RBFOX1: variants seen among roughly 807,000 people sequenced by gnomAD.
RBFOX1 encodes the protein RNA binding protein fox-1 homolog 1.
In RBFOX1, 8 loss-of-function variants were observed where a neutral mutation model predicts 57.7. That is an observed-to-expected ratio of 0.14 (90% confidence interval 0.08 to 0.25). The LOEUF is 0.25. Among genes scored for constraint, RBFOX1 ranks in the 10% least tolerant of loss-of-function variants. The pLI is 1.00. For missense variants in RBFOX1, 611 were observed against 548.5 expected, an observed-to-expected ratio of 1.11 and a Z score of -1.14; for synonymous variants, 326 against 222.4, an observed-to-expected ratio of 1.47 and a Z score of -4.15.
At chr16:5,522,646 G>T (rs950498660) in intron 2 of RBFOX1, among the ~76,000 whole-genome samples, 61 of 152,056 alleles carry the variant, frequency 4.0e-4, no homozygotes, top group Non-Finnish European at 1.6e-4. Context: ...TTCTTTCTTT[G>T]TTTGTACCCA....
chr16:7,315,456 A>ACCCCCC (rs34625153), intron 4 of RBFOX1, among the ~76,000 whole-genome samples: 30 of 123,782 alleles, frequency 2.4e-4, no homozygotes, highest in Non-Finnish European at 4.3e-4. Flanking sequence ...ACTCTACCCT[A>ACCCCCC]CCCCCCCCCC....
At chr16:6,662,066 C>T (rs904497091) in intron 3 of RBFOX1, among the ~76,000 whole-genome samples, 2 of 151,288 alleles carry the variant, frequency 1.3e-5, no homozygotes, top group Non-Finnish European at 2.9e-5. Flanking sequence ...TCACTTTTAC[C>T]TGGAATCTAA....
intron 4 of RBFOX1, among the ~76,000 whole-genome samples, chr16:7,312,151 A>C (rs2096327727): frequency 6.6e-6 from 1 of 152,192 alleles, no homozygotes; most frequent in Non-Finnish European, 1.5e-5. Context: ...AGGCAGAGGC[A>C]GGTGGATCAC....
At chr16:6,599,026 C>G (rs929871231) in intron 2 of RBFOX1, among the ~76,000 whole-genome samples, 1 of 152,124 alleles carries the variant, frequency 6.6e-6, no homozygotes, top group Admixed American at 6.5e-5. Context: ...CAAGATCTGT[C>G]TCATAATGTG....
At chr16:6,156,758 AT>A (rs1451559146) in intron 1 of RBFOX1, among the ~76,000 whole-genome samples, 1 of 152,122 alleles carries the variant, frequency 6.6e-6, no homozygotes, top group Non-Finnish European at 1.5e-5. Context: ...ATTTCAGTCC[AT>A]TGGGGGCTCT....
intron 3 of RBFOX1, among the ~76,000 whole-genome samples, chr16:6,860,241 C>G (rs1281243947): frequency 6.6e-6 from 1 of 152,170 alleles, no homozygotes; most frequent in Non-Finnish European, 1.5e-5. Context: ...GTTCCAGACA[C>G]AATGTTAGGC....
At chr16:7,061,318 G>A (rs754074742) in intron 4 of RBFOX1, among the ~76,000 whole-genome samples, 3 of 152,176 alleles carry the variant, frequency 2.0e-5, no homozygotes, top group Non-Finnish European at 2.9e-5. Flanking sequence ...GAGCTTGTAT[G>A]TTCTCCAGTC....
At chr16:5,939,818 T>C (rs1347788153) in intron 4 of RBFOX1, among the ~76,000 whole-genome samples, 1 of 152,152 alleles carries the variant, frequency 6.6e-6, no homozygotes, top group African/African-American at 2.4e-5. Context: ...GCCACAGCCA[T>C]ACCCTGACCA....
chr16:5,643,310 AG>A (rs2048942030), intron 3 of RBFOX1, among the ~76,000 whole-genome samples: 1 of 152,106 alleles, frequency 6.6e-6, no homozygotes, highest in African/African-American at 2.4e-5. Flanking sequence ...TCGTTTTTTT[AG>A]GGTGTGGCTG....
chr16:6,195,093 A>G (rs1268613678), intron 1 of RBFOX1, among the ~76,000 whole-genome samples: 1 of 152,182 alleles, frequency 6.6e-6, no homozygotes, highest in Non-Finnish European at 1.5e-5. Flanking sequence ...TAGGGTTCAC[A>G]GTTTTGCAAA....
intron 3 of RBFOX1, among the ~76,000 whole-genome samples, chr16:6,775,377 C>G (rs530742701): frequency 2.8e-5 from 4 of 141,958 alleles, no homozygotes; most frequent in Non-Finnish European, 6.2e-5. Context: ...TACAAACAGA[C>G]ACACCCAACT....
rs2095020692 is a variant in RBFOX1 at position 6,019,072 on chromosome 16, C to G, written c.-1047C>G. 5.1e-6 allele frequency: 5 copies of G among 983,228 alleles called. No homozygotes were observed. In the East Asian group the frequency reaches 4.6e-4, roughly 91 times the overall value. 60.9% of individuals were successfully genotyped at this position (983,228 alleles called of 1,614,324 possible). ...GGGGCTGCTCGCTGCTTGTCGCGCGCTCACACACACACAGACACACACGCA... is the reference window on the plus strand; with the variant it reads ...GGGGCTGCTCGCTGCTTGTCGCGCGGTCACACACACACAGACACACACGCA... On this transcript the variant is annotated 5_prime_UTR_variant, in exon 1 of 16. Coordinates refer to ENST00000550418, the MANE Select transcript of RBFOX1 (RefSeq NM_018723.4). This position sits in a 1 kb window ranked among gnomAD's most constrained non-coding sequence, Gnocchi z 4.2.
At chr16:7,156,405 A>G (rs1432369839) in intron 4 of RBFOX1, among the ~76,000 whole-genome samples, 1 of 152,062 alleles carries the variant, frequency 6.6e-6, no homozygotes, top group African/African-American at 2.4e-5. Context: ...ACATGTACAT[A>G]TATGTGTGCG....
At chr16:7,695,219 C>G (rs975890116) in intron 14 of RBFOX1, among the ~76,000 whole-genome samples, 13 of 152,046 alleles carry the variant, frequency 8.6e-5, no homozygotes, top group African/African-American at 3.1e-4. Flanking sequence ...CGTTTGAACT[C>G]TGAATTTTGA....
At chr16:6,463,039 C>A (rs995325354) in intron 2 of RBFOX1, among the ~76,000 whole-genome samples, 2 of 152,128 alleles carry the variant, frequency 1.3e-5, no homozygotes, top group Non-Finnish European at 2.9e-5. Context: ...AGATCCTAGT[C>A]CACTTAAAAG....
At chr16:6,899,354 G>C (rs151214252) in intron 3 of RBFOX1, among the ~76,000 whole-genome samples, 213 of 152,232 alleles carry the variant, frequency 1.4e-3, no homozygotes, top group African/African-American at 5.0e-3. Flanking sequence ...TTTAGCATCA[G>C]GCATTTTCTT....
chr16:6,938,099 C>G (rs904425244), intron 3 of RBFOX1, among the ~76,000 whole-genome samples: 1 of 152,066 alleles, frequency 6.6e-6, no homozygotes, highest in African/African-American at 2.4e-5. Flanking sequence ...AAACTGCAAT[C>G]ACATACCTTA....
chr16:5,308,344 A>G (rs2063992867), intron 1 of RBFOX1, among the ~76,000 whole-genome samples: 1 of 844 alleles, frequency 1.2e-3, no homozygotes. Context: ...AAAAAGAACA[A>G]AGAAAAAAAA....
At chr16:6,242,110 G>A (rs17139659) in intron 1 of RBFOX1, among the ~76,000 whole-genome samples, 22,508 of 152,088 alleles carry the variant, frequency 0.15, 1,773 homozygotes, top group Middle Eastern at 0.27. Context: ...GTATCTTTGC[G>A]TAAAATTTCC....
Sources: gnomAD v4.1 joint callset for allele counts (sites outside exome capture counted in the v4.1 genomes callset) on GRCh38, gnomAD v4.1.1 for gene constraint, Gnocchi (gnomAD v3.1) non-coding constraint, MANE v1.5 for transcripts, NCBI Gene and HGNC (gene_info 2026-07-23, HGNC 2026-07-21) for gene names.